Variants in ASXL1 observed in about 807,000 individuals in gnomAD.
The protein encoded by ASXL1 is polycomb group protein ASXL1.
Under a neutral mutation model 89.1 loss-of-function variants are expected in ASXL1, and 65 were observed. That is an observed-to-expected ratio of 0.73 (90% confidence interval 0.60 to 0.90). ASXL1 has a LOEUF of 0.90. Ranked by LOEUF, ASXL1 falls within the 40% of genes least tolerant of loss-of-function variation. ASXL1 has a pLI of 0.00. For synonymous variants in ASXL1, 739 were observed against 746.9 expected (o/e 0.99, Z 0.17); for missense variants, 1,786 against 1,942.9 (o/e 0.92, Z 1.52).
In ASXL1 at chr20:32,429,324, C is replaced by G. The variant is rs377291660; in HGVS notation, c.472-14C>G. On this transcript the variant is annotated splice_polypyrimidine_tract_variant and intron_variant, in intron 6 of 12. Transcript: ENST00000375687. This position sits in a 1 kb window ranked among gnomAD's most constrained non-coding sequence, Gnocchi z 4.9. ...GTTGACTTGGGCTCTCTTTTGTTCT[C>G]TCTTGGAACGCAGGCGAACAAACAA... 5 of 1,613,354 alleles carry G rather than the reference C, an allele frequency of 3.1e-6. No homozygotes were observed. Among genetic ancestry groups the G allele is most frequent in the African/African-American group, 2.7e-5 (2 of 74,908 alleles).
chr20:32,416,950 T>C (rs1409414543), intron 4 of ASXL1, among the ~76,000 whole-genome samples: 1 of 152,220 alleles, frequency 6.6e-6, no homozygotes, highest in Non-Finnish European at 1.5e-5. Context: ...TTCAAATTCC[T>C]GATACAGATC....
At chr20:32,360,790 C>G (rs1310722271) in intron 1 of ASXL1, 1 of 166,404 alleles carries the variant, frequency 6.0e-6, no homozygotes, top group Non-Finnish European at 1.3e-5. Context: ...GACTCAACTT[C>G]AAGCCAGGTT....
chr20:32,384,843 G>A (rs545444923), intron 4 of ASXL1, among the ~76,000 whole-genome samples: 53 of 152,140 alleles, frequency 3.5e-4, no homozygotes, highest in African/African-American at 1.2e-3. Context: ...CTTCAGAGGT[G>A]CTAAAGATGT....
chr20:32,377,676 G>A (rs927267141), intron 4 of ASXL1, among the ~76,000 whole-genome samples: 7 of 150,850 alleles, frequency 4.6e-5, no homozygotes, highest in African/African-American at 9.8e-5. Flanking sequence ...TTTTTGAGAC[G>A]GAGTCTCACT....
intron 4 of ASXL1, chr20:32,372,228 T>A: frequency 7.5e-7 from 1 of 1,339,642 alleles, no homozygotes; most frequent in Non-Finnish European, 9.8e-7. Flanking sequence ...AACACCATTG[T>A]ATGAACCTGC....
chr20:32,417,308 T>C (rs1244176106), intron 4 of ASXL1, among the ~76,000 whole-genome samples: 1 of 152,194 alleles, frequency 6.6e-6, no homozygotes, highest in Non-Finnish European at 1.5e-5. Context: ...GCTAGAAAGT[T>C]TCAGCTGTGA....
chr20:32,405,570 A>G (rs1037397038), intron 4 of ASXL1, among the ~76,000 whole-genome samples: 1 of 152,194 alleles, frequency 6.6e-6, no homozygotes, highest in Non-Finnish European at 1.5e-5. Context: ...CAAAGTATCT[A>G]GGTCAGAATT....
intron 4 of ASXL1, among the ~76,000 whole-genome samples, chr20:32,420,040 C>CTTTTTTTTTTT (rs35002363): frequency 6.9e-6 from 1 of 144,604 alleles, no homozygotes. Flanking sequence ...TTGATTTTTC[C>CTTTTTTTTTTT]TTTTTTTTTT....
chr20:32,416,103 A>G (rs2049133800), intron 4 of ASXL1, among the ~76,000 whole-genome samples: 1 of 152,146 alleles, frequency 6.6e-6, no homozygotes, highest in African/African-American at 2.4e-5. Flanking sequence ...AGTTATATGT[A>G]TTTTGGGGGT....
At chr20:32,364,599 G>A (rs2048176082) in intron 1 of ASXL1, among the ~76,000 whole-genome samples, 1 of 152,168 alleles carries the variant, frequency 6.6e-6, no homozygotes, top group South Asian at 2.1e-4. Context: ...ACACAGGCAC[G>A]ATCATAGTGC....
chr20:32,378,154 T>G (rs1377516719), intron 4 of ASXL1, among the ~76,000 whole-genome samples: 2 of 67,804 alleles, frequency 2.9e-5, no homozygotes, highest in South Asian at 6.5e-4. Context: ...TGTGGCTGAG[T>G]AATTTGTGTG....
rs1475539900 is a variant in ASXL1 at position 32,434,506 on chromosome 20, C to A, written c.1794C>A (p.Ile598=). ...QPTYQICPRI[I]PTTESSCRGW... ...CTTACCAGATATGCCCCCGGATCAT[C>A]CCCACCACGGAGTCCTCCTGCCGGG... Residue 598 remains isoleucine (I), a synonymous_variant, in exon 13 of 13, where the codon ATC becomes ATA. Coordinates refer to ENST00000375687, the MANE Select transcript of ASXL1 (RefSeq NM_015338.6). 6.2e-7 allele frequency: 1 copy of A among 1,614,094 alleles called. No individual in the cohort carries two copies. Among genetic ancestry groups the A allele is most frequent in the Admixed American group, 1.7e-5 (1 of 60,030 alleles).
chr20:32,394,034 G>T (rs994660734), intron 4 of ASXL1, among the ~76,000 whole-genome samples: 2 of 133,442 alleles, frequency 1.5e-5, no homozygotes, highest in Non-Finnish European at 3.1e-5. Context: ...ACAGAGTCTC[G>T]CACTGTCACC....
intron 1 of ASXL1, among the ~76,000 whole-genome samples, chr20:32,364,617 C>T (rs1167587936): frequency 1.3e-5 from 2 of 152,162 alleles, no homozygotes; most frequent in Non-Finnish European, 2.9e-5. Context: ...TGCACTAGAG[C>T]CTGGAGCTCC....
intron 1 of ASXL1, chr20:32,360,094 G>A (rs2048085675): frequency 2.4e-6 from 1 of 408,632 alleles, no homozygotes; most frequent in Non-Finnish European, 4.5e-6. Flanking sequence ...ACTGTATTGG[G>A]GGGGTTGACA....
At chr20:32,359,717 T>G (rs1277980377) in intron 1 of ASXL1, 1 of 718,094 alleles carries the variant, frequency 1.4e-6, no homozygotes, top group South Asian at 1.5e-5. Flanking sequence ...AGAGCGTAAC[T>G]TGAGTGTTTG....
At position 32,437,618 on chromosome 20, in the gene ASXL1, G is replaced by C. The variant is rs951277192; in HGVS notation, c.*280G>C. ...GATGTGGCACGGAGTGGGGTTGCGG[G>C]GGGTGGGGGGACTGCCTGACTCCCA... On this transcript the variant is annotated 3_prime_UTR_variant, in exon 13 of 13. Transcript: ENST00000375687. 47 of 494,846 alleles carry C rather than the reference G, an allele frequency of 9.5e-5. No individual in the cohort carries two copies. The highest frequency in any genetic ancestry group is 1.1e-4 in the East Asian group (3 of 28,128). 30.7% of individuals were successfully genotyped at this position (494,846 alleles called of 1,614,324 possible). A position where few individuals can be genotyped will look rare whatever the true frequency, so the allele number is the denominator to read the frequency against.
Position 32,434,989 on chromosome 20 carries a change from C to A in ASXL1, c.2277C>A (p.Cys759Ter). The change falls in exon 13 of 13, where the codon TGC (cysteine) becomes TGA (stop). Residue 759 changes from cysteine (C) to a stop codon, truncating the protein, a stop_gained. Coordinates refer to ENST00000375687, the MANE Select transcript of ASXL1 (RefSeq NM_015338.6). LOFTEE classifies it low-confidence loss of function (END_TRUNC). ...TTGCTCCCACTGGGGACCAGCCATG[C>A]CAGGCCTTGCCCCTACTGTCCTCCC... is the stretch of plus-strand genomic sequence containing the variant. ...LPVAPTGDQP[C>*]QALPLLSSQT... 1 of 1,614,176 alleles carries A rather than the reference C, an allele frequency of 6.2e-7. No homozygotes were observed. Among genetic ancestry groups the A allele is most frequent in the Non-Finnish European group, 8.5e-7 (1 of 1,180,032 alleles).
intron 4 of ASXL1, among the ~76,000 whole-genome samples, chr20:32,419,395 G>T (rs999623146): frequency 2.0e-5 from 3 of 151,692 alleles, no homozygotes; most frequent in South Asian, 2.1e-4. Flanking sequence ...GTAGAGCGGG[G>T]GTCTCCTTAC....
Sources: gnomAD v4.1 joint callset for allele counts (sites outside exome capture counted in the v4.1 genomes callset) on GRCh38, gnomAD v4.1.1 for gene constraint, Gnocchi (gnomAD v3.1) non-coding constraint, MANE v1.5 for transcripts, NCBI Gene and HGNC (gene_info 2026-07-23, HGNC 2026-07-21) for gene names.